KCNB2: variants seen among roughly 807,000 people sequenced by gnomAD.
The protein encoded by KCNB2 is delayed rectifier potassium channel protein.
A neutral mutation model predicts 61.5 loss-of-function variants in KCNB2; 15 were observed. The ratio of observed to expected loss-of-function variants is 0.24; its 90% CI spans 0.16 to 0.38. KCNB2 has a LOEUF of 0.38. Ranked by LOEUF, KCNB2 falls within the 10% of genes least tolerant of loss-of-function variation. The pLI is 1.00. For synonymous variants in KCNB2, 457 were observed against 446.0 expected, an observed-to-expected ratio of 1.02 and a Z score of -0.31; for missense variants, 828 against 1,125.2, an observed-to-expected ratio of 0.74 and a Z score of 3.78.
At position 72,860,600 on chromosome 8, in the gene KCNB2, A is replaced by G. The variant is rs535792681; in HGVS notation, c.580-75335A>G. On this transcript the variant is annotated intron_variant, in intron 2 of 2. Coordinates refer to ENST00000523207, the MANE Select transcript of KCNB2 (RefSeq NM_004770.3). ...GCCTTTCCTGTTTCTGCTCACATCT[A>G]TAAAGCTGCAGCTCCATTTGAATGG... 2.6e-5 allele frequency among the ~76,000 whole-genome samples: 4 copies of G among 152,338 alleles called. No homozygotes were observed. The South Asian group carries it at 8.3e-4, about 32-fold the overall frequency.
Position 72,816,089 on chromosome 8 carries a change from A to G in KCNB2, c.580-119846A>G, listed in dbSNP as rs560262901. Among the ~76,000 whole-genome samples the G allele has an allele frequency of 5.9e-5, 9 of 152,314 alleles. No individual in the cohort carries two copies. The South Asian group carries it at 1.9e-3, about 32-fold the overall frequency. On this transcript the variant is annotated intron_variant, in intron 2 of 2. Coordinates refer to ENST00000523207, the MANE Select transcript of KCNB2 (RefSeq NM_004770.3). ...TACTGTATTTTATAAAGAGAAAAAA[A>G]CTTGAAGTCAGCAATGCTCAAGACC...
intron 2 of KCNB2, among the ~76,000 whole-genome samples, chr8:72,855,726 C>G (rs1346727501): frequency 2.0e-5 from 3 of 152,070 alleles, no homozygotes; most frequent in African/African-American, 7.2e-5. Context: ...GGTCAGTTTG[C>G]CTTCCAGACC....
At chr8:72,728,957 T>C (rs935882664) in intron 2 of KCNB2, among the ~76,000 whole-genome samples, 9 of 152,236 alleles carry the variant, frequency 5.9e-5, no homozygotes, top group Non-Finnish European at 1.2e-4. Flanking sequence ...AGTACAACGT[T>C]AAAGACTGGG....
In KCNB2 at chr8:72,936,937, T is replaced by C. The variant is rs377338435; in HGVS notation, c.1582T>C (p.Ser528Pro). ...CTCCCACGAGCAGCTGAACAACACG[T>C]CTTCCTCCAGCCCACAGCATCTGAG... ...KDSHEQLNNT[S>P]SSSPQHLSAQ... is the part of the protein sequence containing the mutation. Residue 528 changes from serine to proline, a missense_variant, in exon 3 of 3, where the codon TCT (serine) becomes CCT (proline). By Grantham distance (74) the Ser-to-Pro change is moderately conservative. Coordinates refer to ENST00000523207, the MANE Select transcript of KCNB2 (RefSeq NM_004770.3). This position sits in a 1 kb window ranked among gnomAD's most constrained non-coding sequence, Gnocchi z 5.6. 6.2e-7 allele frequency: 1 copy of C among 1,614,044 alleles called. No individual in the cohort carries two copies. Among genetic ancestry groups the C allele is most frequent in the Admixed American group, 1.7e-5 (1 of 60,022 alleles).
At chr8:72,714,679 A>G (rs1197348236) in intron 2 of KCNB2, among the ~76,000 whole-genome samples, 2 of 152,322 alleles carry the variant, frequency 1.3e-5, no homozygotes, top group African/African-American at 4.8e-5. Flanking sequence ...ATGGAAAGGA[A>G]CAACCGGTAC....
chr8:72,786,616 G>A (rs1025424794), intron 2 of KCNB2, among the ~76,000 whole-genome samples: 1 of 152,104 alleles, frequency 6.6e-6, no homozygotes, highest in Non-Finnish European at 1.5e-5. Context: ...CTGGAGCATT[G>A]CTATCTCAAT....
At position 72,736,189 on chromosome 8, in the gene KCNB2, GA is replaced by G. The variant is rs570934563; in HGVS notation, c.579+167882del. 4.0e-5 allele frequency among the ~76,000 whole-genome samples: 6 copies of G among 151,628 alleles called. No homozygotes were observed. The East Asian group carries it at 1.2e-3, about 29-fold the overall frequency. On this transcript the variant is annotated intron_variant, in intron 2 of 2. Coordinates refer to ENST00000523207, the MANE Select transcript of KCNB2 (RefSeq NM_004770.3). ...TTAATGTGAATTGAAACATTTCACT[GA>G]AAAAATATAAATGATTTGGATTCTC... is the stretch of plus-strand genomic sequence containing the variant.
At chr8:72,592,453 C>CTGTGTGTGTGTG (rs10676983) in intron 2 of KCNB2, among the ~76,000 whole-genome samples, 73 of 149,690 alleles carry the variant, frequency 4.9e-4, no homozygotes, top group Middle Eastern at 3.4e-3. Context: ...ATTATCAACT[C>CTGTGTGTGTGTG]TGTGTGTGTG....
intron 1 of KCNB2, among the ~76,000 whole-genome samples, chr8:72,548,450 G>C (rs1352356333): frequency 2.0e-5 from 3 of 152,168 alleles, no homozygotes; most frequent in Admixed American, 6.5e-5. Flanking sequence ...ACCCTGGTTT[G>C]CTATCTTGGA....
rs1436551474 is a variant in KCNB2, at chr8:72,937,111, C to A, written c.1756C>A (p.Leu586Met). The A allele has an allele frequency of 6.2e-7, 1 of 1,614,168 alleles. No individual in the cohort carries two copies. The highest frequency in any genetic ancestry group is 1.3e-5 in the African/African-American group (1 of 75,046). Residue 586 changes from leucine to methionine, a missense_variant, in exon 3 of 3, where the codon CTG (leucine) becomes ATG (methionine). This residue lies in a region of KCNB2 where 559 missense variants were observed against 588.4 expected (regional missense o/e 0.95). Transcript: ENST00000523207. ...AGAAGTGGTGTGTCCACAGGAGCAGCTGGCCGTGGCACAGACCGAGGTCAT... is the reference window on the plus strand; with the variant it reads ...AGAAGTGGTGTGTCCACAGGAGCAGATGGCCGTGGCACAGACCGAGGTCAT... ...MEEVVCPQEQLAVAQTEVIVD... is the reference protein window; with the variant it reads ...MEEVVCPQEQMAVAQTEVIVD...
intron 2 of KCNB2, among the ~76,000 whole-genome samples, chr8:72,844,252 G>T (rs568029345): frequency 6.6e-6 from 1 of 152,126 alleles, no homozygotes; most frequent in Admixed American, 6.5e-5. Flanking sequence ...CTTTAAGGAT[G>T]TTGAATATTG....
chr8:72,774,376 A>T (rs1808612086), intron 2 of KCNB2, among the ~76,000 whole-genome samples: 1 of 152,190 alleles, frequency 6.6e-6, no homozygotes, highest in Admixed American at 6.5e-5. Context: ...TTTGAGACAG[A>T]GTCTTCCTTT....
chr8:72,802,903 CTT>C (rs1184663848), intron 2 of KCNB2, among the ~76,000 whole-genome samples: 2 of 152,156 alleles, frequency 1.3e-5, no homozygotes, highest in Non-Finnish European at 2.9e-5. Flanking sequence ...TTTCTTCACT[CTT>C]TTGATGAATG....
At chr8:72,714,358 T>G (rs568889270) in intron 2 of KCNB2, among the ~76,000 whole-genome samples, 3 of 144,792 alleles carry the variant, frequency 2.1e-5, no homozygotes, top group African/African-American at 7.6e-5. Flanking sequence ...CACATAATTG[T>G]CAGATTCACC....
chr8:72,937,619 T>A lies in KCNB2; in HGVS notation c.2264T>A (p.Ile755Asn). The stretch of plus-strand genomic sequence containing the variant: ...ACTACCCCGCAGCACATCAGTACCA[T>A]CCTCTTAGAAGAAACCCCCTCCCAG... The part of the protein sequence containing the change: ...SLTTPQHIST[I>N]LLEETPSQGD... Residue 755 changes from isoleucine (I) to asparagine (N), a missense_variant, in exon 3 of 3, where the codon ATC becomes AAC. Coordinates refer to ENST00000523207, the MANE Select transcript of KCNB2 (RefSeq NM_004770.3). The A allele has an allele frequency of 1.2e-6, 2 of 1,613,814 alleles. No individual in the cohort carries two copies. The highest frequency in any genetic ancestry group is 1.7e-6 in the Non-Finnish European group (2 of 1,179,960).
At chr8:72,617,305 C>T (rs1585786974) in intron 2 of KCNB2, among the ~76,000 whole-genome samples, 1 of 152,094 alleles carries the variant, frequency 6.6e-6, no homozygotes, top group East Asian at 1.9e-4. Context: ...CTCTTATTTC[C>T]CATTCCAAAA....
intron 2 of KCNB2, among the ~76,000 whole-genome samples, chr8:72,648,664 T>G (rs1383227741): frequency 6.6e-6 from 1 of 151,994 alleles, no homozygotes; most frequent in Non-Finnish European, 1.5e-5. Flanking sequence ...TATATTCAGT[T>G]TTTGCCTTAT....
At chr8:72,561,765 A>ACT (rs1563523574) in intron 1 of KCNB2, among the ~76,000 whole-genome samples, 2 of 28,398 alleles carry the variant, frequency 7.0e-5, no homozygotes, top group South Asian at 8.1e-4. Flanking sequence ...ATATATGGAT[A>ACT]TATATATATA....
rs1353148578 is a variant in KCNB2, at chr8:72,816,721, A to T, written c.580-119214A>T. Among the ~76,000 whole-genome samples the T allele has an allele frequency of 7.9e-5, 12 of 152,270 alleles. No individual in the cohort carries two copies. In the East Asian group the frequency reaches 2.3e-3, roughly 29 times the overall value. On this transcript the variant is annotated intron_variant, in intron 2 of 2. Coordinates refer to ENST00000523207, the MANE Select transcript of KCNB2 (RefSeq NM_004770.3). ...TCGTAGTGCAGTTCTTCCCTTAAGG[A>T]TTCTAGGAGCGTCTTCATTTTTGAA...
Sources: gnomAD v4.1 joint callset for allele counts (sites outside exome capture counted in the v4.1 genomes callset) on GRCh38, gnomAD v4.1.1 for gene constraint, gnomAD v4.1.1 regional missense constraint, Gnocchi (gnomAD v3.1) non-coding constraint, MANE v1.5 for transcripts, NCBI Gene and HGNC (gene_info 2026-07-23, HGNC 2026-07-21) for gene names.